ANO4: variants seen among roughly 807,000 people sequenced by gnomAD.
The protein encoded by ANO4 is anoctamin-4.
ANO4 carries 69 observed loss-of-function variants against 141.9 expected under a neutral mutation model. That is an observed-to-expected ratio of 0.49 (90% CI 0.40 to 0.59). ANO4 has a LOEUF of 0.59. Among genes scored for constraint, ANO4 ranks in the 20% least tolerant of loss-of-function variants. ANO4 has a pLI of 0.00. For missense variants in ANO4, 894 were observed against 1,162.2 expected, an observed-to-expected ratio of 0.77 and a Z score of 3.36; for synonymous variants, 350 against 394.3, an observed-to-expected ratio of 0.89 and a Z score of 1.33.
intron 1 of ANO4, among the ~76,000 whole-genome samples, chr12:100,731,284 T>C (rs759776735): frequency 3.3e-5 from 5 of 152,232 alleles, no homozygotes; most frequent in Non-Finnish European, 5.9e-5. Context: ...ATGACTCTTG[T>C]AACCTGTAGT....
intron 3 of ANO4, among the ~76,000 whole-genome samples, chr12:100,768,582 G>T (rs925962594): frequency 6.6e-6 from 1 of 152,132 alleles, no homozygotes; most frequent in Non-Finnish European, 1.5e-5. Context: ...TCTGGGTCAA[G>T]AACTTTTTCT....
At chr12:100,861,179 C>T (rs1235872645) in intron 1 of ANO4, among the ~76,000 whole-genome samples, 2 of 152,166 alleles carry the variant, frequency 1.3e-5, no homozygotes, top group Non-Finnish European at 2.9e-5. Flanking sequence ...TTACAAACCT[C>T]TAGCTAGCTA....
intron 9 of ANO4, among the ~76,000 whole-genome samples, chr12:101,036,200 A>C (rs2047186731): frequency 6.6e-6 from 1 of 152,282 alleles, no homozygotes; most frequent in East Asian, 1.9e-4. Context: ...AAAAGTGGTA[A>C]GTGTTGGCAA....
intron 14 of ANO4, among the ~76,000 whole-genome samples, chr12:101,067,952 C>T (rs1392875238): frequency 6.6e-6 from 1 of 152,132 alleles, no homozygotes; most frequent in Non-Finnish European, 1.5e-5. Context: ...ATACTGGAGA[C>T]TTCATAATCT....
At chr12:100,717,348 G>A (rs2030639906), upstream of ANO4, among the ~76,000 whole-genome samples, 1 of 151,356 alleles carries the variant, frequency 6.6e-6, no homozygotes, top group Non-Finnish European at 1.5e-5. Context: ...GGGCCCCCGC[G>A]CGCCGGCAGC....
chr12:101,098,430 A>T (rs1376664940), intron 21 of ANO4, among the ~76,000 whole-genome samples: 1 of 152,196 alleles, frequency 6.6e-6, no homozygotes, highest in Non-Finnish European at 1.5e-5. Context: ...TGGGGACATA[A>T]ATCAACAATG....
At chr12:100,891,581 A>AT (rs1445529697) in intron 1 of ANO4, among the ~76,000 whole-genome samples, 1 of 152,078 alleles carries the variant, frequency 6.6e-6, no homozygotes, top group Non-Finnish European at 1.5e-5. Context: ...CATCTACATT[A>AT]TTTTTTAAGA....
At chr12:101,106,573 G>GTGTATATATATA (rs1555303963) in intron 22 of ANO4, among the ~76,000 whole-genome samples, 5 of 138,602 alleles carry the variant, frequency 3.6e-5, no homozygotes, top group African/African-American at 1.3e-4. Context: ...GTGTGTGTGT[G>GTGTATATATATA]TATATATATA....
intron 1 of ANO4, among the ~76,000 whole-genome samples, chr12:100,893,836 C>T (rs1035654553): frequency 6.6e-6 from 1 of 152,058 alleles, no homozygotes; most frequent in Non-Finnish European, 1.5e-5. Context: ...GGGAGATTCT[C>T]ACTCAGCCTC....
chr12:100,964,164 T>A (rs1336204162), intron 5 of ANO4, among the ~76,000 whole-genome samples: 1 of 152,054 alleles, frequency 6.6e-6, no homozygotes, highest in Non-Finnish European at 1.5e-5. Context: ...TGGAATTGAG[T>A]TCATGAGCAA....
chr12:100,968,432 G>T (rs1159814971), intron 5 of ANO4, among the ~76,000 whole-genome samples: 2 of 151,972 alleles, frequency 1.3e-5, no homozygotes, highest in East Asian at 1.9e-4. Context: ...GCTATATTCT[G>T]CTCTAAATCA....
intron 14 of ANO4, among the ~76,000 whole-genome samples, chr12:101,048,660 A>G (rs2047736025): frequency 6.6e-6 from 1 of 152,198 alleles, no homozygotes; most frequent in Non-Finnish European, 1.5e-5. Flanking sequence ...TCTGTTGGAC[A>G]CAGAAATAAA....
chr12:101,015,449 T>G (rs1307530346), intron 8 of ANO4, among the ~76,000 whole-genome samples: 2 of 152,210 alleles, frequency 1.3e-5, no homozygotes, highest in African/African-American at 2.4e-5. Flanking sequence ...CTTAATCTAT[T>G]TACAGGTGCA....
chr12:100,769,058 A>G (rs1322490024), intron 3 of ANO4, among the ~76,000 whole-genome samples: 1 of 152,234 alleles, frequency 6.6e-6, no homozygotes, highest in Non-Finnish European at 1.5e-5. Flanking sequence ...ACCAGGAAAC[A>G]ACCAAAATAC....
chr12:100,820,002 A>G lies in ANO4; in HGVS notation c.-141+24975A>G, dbSNP rs551352182. Among the ~76,000 whole-genome samples the G allele has an allele frequency of 3.0e-4, 45 of 152,050 alleles. No homozygotes were observed. In the South Asian group the frequency reaches 3.7e-3, roughly 13 times the overall value. On this transcript the variant is annotated intron_variant, in intron 1 of 27. Coordinates refer to ENST00000392977, the MANE Select transcript of ANO4 (RefSeq NM_001286615.2). ...CTGGTATCTGGCATGTAGAGTCTCT[A>G]AGTAAACTCTCTGCCCTTGACCTTT...
At chr12:101,092,412 CTT>C (rs2049813717) in intron 17 of ANO4, among the ~76,000 whole-genome samples, 1 of 152,174 alleles carries the variant, frequency 6.6e-6, no homozygotes, top group Non-Finnish European at 1.5e-5. Flanking sequence ...AGTTTGGAAA[CTT>C]AGATTTTCCA....
intron 1 of ANO4, among the ~76,000 whole-genome samples, chr12:100,876,278 CAAAAAAA>C (rs79799106): frequency 1.1e-5 from 1 of 91,954 alleles, no homozygotes; most frequent in Non-Finnish European, 2.2e-5. Flanking sequence ...ATATAAAGAC[CAAAAAAA>C]AAAAAAAAAA....
At chr12:101,031,125 C>T (rs2046956759) in intron 9 of ANO4, among the ~76,000 whole-genome samples, 1 of 152,128 alleles carries the variant, frequency 6.6e-6, no homozygotes, top group African/African-American at 2.4e-5. Flanking sequence ...AGCAGAGACA[C>T]AACAAAAAAT....
At chr12:100,786,721 A>G (rs75494196) in intron 3 of ANO4, among the ~76,000 whole-genome samples, 98 of 152,326 alleles carry the variant, frequency 6.4e-4, no homozygotes, top group African/African-American at 2.3e-3. Context: ...TTAAAAGCCA[A>G]GGATTTCAGA....
Sources: allele counts gnomAD v4.1 joint callset (sites outside exome capture counted in the v4.1 genomes callset), GRCh38; gene constraint gnomAD v4.1.1; transcripts MANE v1.5; gene names NCBI Gene and HGNC (gene_info 2026-07-23, HGNC 2026-07-21).